DOCK10: variants seen among roughly 807,000 people sequenced by gnomAD.
The protein encoded by DOCK10 is dedicator of cytokinesis 10, also known as dedicator of cytokinesis protein 10.
DOCK10 carries 145 observed loss-of-function variants against 280.1 expected under a neutral mutation model. The ratio of observed to expected loss-of-function variants is 0.52; its 90% CI spans 0.45 to 0.59. The LOEUF (loss-of-function observed/expected upper bound fraction) is 0.59, where lower values mean the gene tolerates loss of function less well. Ranked by LOEUF, DOCK10 falls within the 20% of genes least tolerant of loss-of-function variation. DOCK10 has a pLI of 0.00. For synonymous variants in DOCK10, 915 were observed against 942.2 expected, an observed-to-expected ratio of 0.97 and a Z score of 0.53; for missense variants, 2,368 against 2,651.7, an observed-to-expected ratio of 0.89 and a Z score of 2.35.
chr2:224,901,787 T>C (rs1700315003), intron 3 of DOCK10, among the ~76,000 whole-genome samples: 1 of 152,176 alleles, frequency 6.6e-6, no homozygotes, highest in Admixed American at 6.5e-5. Flanking sequence ...TCCACATGAG[T>C]GATAATGTGG....
In DOCK10 at chr2:224,805,654, C is replaced by T; in HGVS notation, c.3815-125G>A. On this transcript the variant is annotated intron_variant, in intron 34 of 55. Coordinates refer to ENST00000258390, the MANE Select transcript of DOCK10 (RefSeq NM_014689.3). The surrounding 1 kb of genome is among the most constrained non-coding windows in gnomAD (Gnocchi z 4.3). The stretch of plus-strand genomic sequence containing the variant: ...TAGCAGCAGTGTTGTCAAAGACCAA[C>T]ATAACAGCGTCTGGGATTGGCATTA... The T allele has an allele frequency of 1.6e-6, 2 of 1,244,408 alleles. No homozygotes were observed. Among genetic ancestry groups the T allele is most frequent in the Non-Finnish European group, 2.2e-6 (2 of 897,684 alleles). The allele number at this position is 1,244,408 out of a possible 1,614,324, so 77.1% of individuals were successfully genotyped here. A position where few individuals can be genotyped will look rare whatever the true frequency, so the allele number is the denominator to read the frequency against.
At chr2:224,773,623 C>CA (rs1293875206) in intron 52 of DOCK10, among the ~76,000 whole-genome samples, 1 of 151,440 alleles carries the variant, frequency 6.6e-6, no homozygotes, top group Non-Finnish European at 1.5e-5. Context: ...GAATTTTTTT[C>CA]TTTTTTCTTT....
chr2:224,874,432 C>T, intron 9 of DOCK10, 83 bp from the exon 10 acceptor site: 1 of 1,113,050 alleles, frequency 9.0e-7, no homozygotes, highest in Non-Finnish European at 1.3e-6. Flanking sequence ...AGAAGCAGCC[C>T]CTTAGTATTA....
At chr2:224,807,171 C>G (rs1024202281) in intron 33 of DOCK10, 1 of 153,034 alleles carries the variant, frequency 6.5e-6, no homozygotes, top group African/African-American at 2.4e-5. Context: ...TCCTTAGATA[C>G]TGGATTCAGC....
intron 2 of DOCK10, among the ~76,000 whole-genome samples, chr2:224,929,564 T>A (rs1702211432): frequency 6.6e-6 from 1 of 152,170 alleles, no homozygotes; most frequent in Non-Finnish European, 1.5e-5. Context: ...GTGATTGCAC[T>A]TCATTTTGAA....
chr2:224,852,291 T>TCA, intron 18 of DOCK10, 86 bp downstream of exon 18: 1 of 999,928 alleles, frequency 1.0e-6, no homozygotes, highest in Non-Finnish European at 1.5e-6. Flanking sequence ...TCAACCACAC[T>TCA]CACATAAAAA....
At position 224,796,228 on chromosome 2, in the gene DOCK10, C is replaced by A. The variant is rs1253976769; in HGVS notation, c.4938+88G>T. On this transcript the variant is annotated intron_variant, in intron 44 of 55. Coordinates refer to ENST00000258390, the MANE Select transcript of DOCK10 (RefSeq NM_014689.3). ...ACAGGCGTGAACCACTGTACCCAAT[C>A]TATTTTTATGATTTTGATATCTCAC... 3 of 858,410 alleles carry A rather than the reference C, an allele frequency of 3.5e-6. No individual in the cohort carries two copies. In the Admixed American group the frequency reaches 6.4e-5, roughly 18 times the overall value. 53.2% of individuals were successfully genotyped at this position (858,410 alleles called of 1,614,324 possible). A position where few individuals can be genotyped will look rare whatever the true frequency, so the allele number is the denominator to read the frequency against.
intron 28 of DOCK10, among the ~76,000 whole-genome samples, chr2:224,820,694 A>G (rs967033712): frequency 4.6e-5 from 7 of 152,210 alleles, no homozygotes; most frequent in Admixed American, 3.9e-4. Flanking sequence ...CATTTATTCC[A>G]AAAGCACAAG....
At chr2:224,944,061 C>A (rs969168006) in intron 1 of DOCK10, among the ~76,000 whole-genome samples, 1 of 152,128 alleles carries the variant, frequency 6.6e-6, no homozygotes, top group Non-Finnish European at 1.5e-5. Context: ...TCATGCCCGG[C>A]CGGTTTAGAT....
At position 224,793,433 on chromosome 2, in the gene DOCK10, C is replaced by T. The variant is rs772414938; in HGVS notation, c.5179G>A (p.Ala1727Thr). The change falls in exon 46 of 56, where the codon GCT (alanine) becomes ACT (threonine). Residue 1727 changes from alanine to threonine, a missense_variant. Ala to Thr is a moderately conservative substitution (Grantham distance 58, BLOSUM62 0). Transcript: ENST00000258390. ...TTCAGATACTCTGCAATGAGAGCAG[C>T]AATATGGATGTAACACATGGCAGCC... Reference protein sequence around the residue: ...SEAAMCYIHIAALIAEYLKRK... With the variant: ...SEAAMCYIHITALIAEYLKRK... 2 of 1,613,264 alleles carry T rather than the reference C, an allele frequency of 1.2e-6. No homozygotes were observed. Among genetic ancestry groups the T allele is most frequent in the Non-Finnish European group, 1.7e-6 (2 of 1,179,636 alleles).
chr2:225,008,909 G>A (rs1424456929), intron 1 of DOCK10, among the ~76,000 whole-genome samples: 4 of 152,146 alleles, frequency 2.6e-5, no homozygotes, highest in Admixed American at 6.6e-5. Context: ...AACAAGCACC[G>A]TTTCCACCTC....
At chr2:224,947,120 C>T (rs1171910839) in intron 1 of DOCK10, 2 of 1,279,344 alleles carry the variant, frequency 1.6e-6, no homozygotes, top group Admixed American at 3.8e-5. Flanking sequence ...TGTCAAGTTA[C>T]CACTTCCTGT....
At position 224,886,546 on chromosome 2, in the gene DOCK10, A is replaced by T. The variant is rs1201257708; in HGVS notation, c.417-15T>A. 6.3e-7 allele frequency: 1 copy of T among 1,588,120 alleles called. No homozygotes were observed. The highest frequency in any genetic ancestry group is 1.4e-5 in the African/African-American group (1 of 73,852). ...TGTATTCTGCTCTGATATTAAAAAA[A>T]AAAAAAGATTCTGATTTGTCATTGG... On this transcript the variant is annotated splice_polypyrimidine_tract_variant and intron_variant, in intron 4 of 55. Coordinates refer to ENST00000258390, the MANE Select transcript of DOCK10 (RefSeq NM_014689.3).
intron 2 of DOCK10, among the ~76,000 whole-genome samples, chr2:224,924,636 G>T (rs1048960136): frequency 6.6e-6 from 1 of 152,036 alleles, no homozygotes; most frequent in Non-Finnish European, 1.5e-5. Context: ...CTCATTTTGG[G>T]GCTATTATGA....
At chr2:225,006,883 C>T (rs1438691066) in intron 1 of DOCK10, among the ~76,000 whole-genome samples, 1 of 152,170 alleles carries the variant, frequency 6.6e-6, no homozygotes, top group Non-Finnish European at 1.5e-5. Context: ...TACTAGCAGT[C>T]CTGAGGACTT....
intron 40 of DOCK10, among the ~76,000 whole-genome samples, chr2:224,801,711 GATAT>G (rs2125179921): frequency 6.6e-6 from 1 of 152,214 alleles, no homozygotes; most frequent in Admixed American, 6.5e-5. Context: ...CTAAACATAT[GATAT>G]TGAGGGTTTT....
At chr2:225,000,776 T>C (rs531147070) in intron 1 of DOCK10, among the ~76,000 whole-genome samples, 36 of 152,276 alleles carry the variant, frequency 2.4e-4, no homozygotes, top group African/African-American at 8.4e-4. Context: ...AGTCAGGAGT[T>C]CGAGACCAGT....
At chr2:224,818,345 C>CG (rs534564997) in intron 29 of DOCK10, among the ~76,000 whole-genome samples, 438 of 150,856 alleles carry the variant, frequency 2.9e-3, no homozygotes, top group African/African-American at 0.01. Flanking sequence ...GTGTCTCTGT[C>CG]GTTAAGTGAC....
In DOCK10 at chr2:224,814,593, CT is replaced by C. The variant is rs1433275795; in HGVS notation, c.3365-230del. On this transcript the variant is annotated intron_variant, in intron 30 of 55. Transcript: ENST00000258390. ...CTGGAGTGCAGTAGCACAATCTTGGCTGACTGCAACCTCTGCCTCCTGGATT... is the reference window on the plus strand; with the variant it reads ...CTGGAGTGCAGTAGCACAATCTTGGCGACTGCAACCTCTGCCTCCTGGATT... 3.9e-5 allele frequency among the ~76,000 whole-genome samples: 6 copies of C among 152,290 alleles called. No individual in the cohort carries two copies. The South Asian group carries it at 1.2e-3, about 32-fold the overall frequency.
Sources: gnomAD v4.1 joint callset for allele counts (sites outside exome capture counted in the v4.1 genomes callset) on GRCh38, gnomAD v4.1.1 for gene constraint, Gnocchi (gnomAD v3.1) non-coding constraint, MANE v1.5 for transcripts, NCBI Gene and HGNC (gene_info 2026-07-23, HGNC 2026-07-21) for gene names.